Variants in VWA8 observed in about 807,000 individuals in gnomAD.
The protein encoded by VWA8 is von Willebrand factor A domain containing 8, also known as von Willebrand factor A domain-containing protein 8.
VWA8 carries 221 observed loss-of-function variants against 241.5 expected under a neutral mutation model. That is an observed-to-expected ratio of 0.91 (90% CI 0.82 to 1.02). The LOEUF (loss-of-function observed/expected upper bound fraction) is 1.02, where lower values mean the gene tolerates loss of function less well. Among genes scored for constraint, VWA8 ranks in the 50% least tolerant of loss-of-function variants. The probability of loss-of-function intolerance (pLI) is 0.00; values close to 1 mark genes in which losing one functional copy is unlikely to be tolerated. For synonymous variants in VWA8, 852 were observed against 827.1 expected, an observed-to-expected ratio of 1.03 and a Z score of -0.52; for missense variants, 2,322 against 2,328.7, an observed-to-expected ratio of 1.00 and a Z score of 0.06.
chr13:41,905,055 A>G lies in VWA8; in HGVS notation c.483+2531T>C, dbSNP rs1875643163. 4 of 152,160 alleles carry G rather than the reference A, an allele frequency of 2.6e-5. No individual in the cohort carries two copies. The South Asian group carries it at 6.2e-4, about 24-fold the overall frequency. 9.4% of individuals were successfully genotyped at this position (152,160 alleles called of 1,614,324 possible). A position where few individuals can be genotyped will look rare whatever the true frequency, so the allele number is the denominator to read the frequency against. On this transcript the variant is annotated intron_variant, in intron 4 of 44. Coordinates refer to ENST00000379310, the MANE Select transcript of VWA8 (RefSeq NM_015058.2). Reference sequence around the variant, plus strand: ...CTAGGTTTGGAATAAATACCATTAAATTGAGAGTCGAAGTCAACAAGATAG... The same window carrying G: ...CTAGGTTTGGAATAAATACCATTAAGTTGAGAGTCGAAGTCAACAAGATAG...
At chr13:41,592,321 TG>T (rs2044460787) in intron 40 of VWA8, among the ~76,000 whole-genome samples, 1 of 48,700 alleles carries the variant, frequency 2.1e-5, no homozygotes, top group South Asian at 7.3e-4. Flanking sequence ...TGTTGTGGGG[TG>T]GGGGGAGGGG....
intron 5 of VWA8, among the ~76,000 whole-genome samples, chr13:41,890,854 G>A (rs780848273): frequency 6.6e-6 from 1 of 152,230 alleles, no homozygotes; most frequent in Non-Finnish European, 1.5e-5. Flanking sequence ...GCTGTGTTGA[G>A]ACCAGTGTCA....
intron 12 of VWA8, chr13:41,864,463 G>C: frequency 3.3e-6 from 1 of 298,894 alleles, no homozygotes; most frequent in Non-Finnish European, 6.5e-6. Context: ...GAAACAAAGA[G>C]TGGTATAGAC....
chr13:41,729,802 C>CACACACAT lies in VWA8; in HGVS notation c.2503-126_2503-125insATGTGTGT, dbSNP rs1555327071. The CACACACAT allele has an allele frequency of 7.4e-5, 20 of 271,816 alleles. 2 individuals are homozygous for CACACACAT. The South Asian group carries it at 8.8e-4, about 12-fold the overall frequency. 16.8% of individuals were successfully genotyped at this position (271,816 alleles called of 1,614,324 possible). The stretch of plus-strand genomic sequence containing the variant: ...TAAGTTACAAGTATACACGTAGACA[C>CACACACAT]ACACACACACACACACACACACACA... On this transcript the variant is annotated intron_variant, in intron 22 of 44. Coordinates refer to ENST00000379310, the MANE Select transcript of VWA8 (RefSeq NM_015058.2).
At chr13:41,657,835 T>C (rs1346402489) in intron 37 of VWA8, among the ~76,000 whole-genome samples, 1 of 152,256 alleles carries the variant, frequency 6.6e-6, no homozygotes, top group Non-Finnish European at 1.5e-5. Flanking sequence ...AGCAGATTTA[T>C]TTTCTGAGGT....
chr13:41,787,622 A>ACT, intron 17 of VWA8, 79 bp from the exon 18 acceptor site: 1 of 779,602 alleles, frequency 1.3e-6, no homozygotes, highest in Non-Finnish European at 2.2e-6. Context: ...ACACACACAC[A>ACT]CACACACACA....
At chr13:41,950,036 G>T in intron 1 of VWA8, 23 bp from the exon 2 acceptor site, 1 of 1,421,222 alleles carries the variant, frequency 7.0e-7, no homozygotes, top group South Asian at 1.3e-5. Context: ...TTTAAAAACA[G>T]AATAATTATA....
Position 41,726,607 on chromosome 13 carries a change from T to C in VWA8, c.2758+587A>G, listed in dbSNP as rs541967263. On this transcript the variant is annotated intron_variant, in intron 24 of 44. Transcript: ENST00000379310. ...CCAAGAGGTCCTAAACAACAAAGTA[T>C]AGTGTAATGGTTTAAGAAAAAAGAC... 4.6e-5 allele frequency among the ~76,000 whole-genome samples: 7 copies of C among 152,256 alleles called. No homozygotes were observed. The South Asian group carries it at 1.0e-3, about 23-fold the overall frequency.
chr13:41,803,949 T>C (rs182578264), intron 17 of VWA8, among the ~76,000 whole-genome samples: 1 of 152,048 alleles, frequency 6.6e-6, no homozygotes, highest in Non-Finnish European at 1.5e-5. Flanking sequence ...AAAGAAACAA[T>C]TAGTAAGCTT....
intron 38 of VWA8, among the ~76,000 whole-genome samples, chr13:41,613,472 T>C (rs993701710): frequency 6.6e-6 from 1 of 152,152 alleles, no homozygotes; most frequent in African/African-American, 2.4e-5. Context: ...ATCCTGAGTA[T>C]GGGTGGATCA....
intron 37 of VWA8, among the ~76,000 whole-genome samples, chr13:41,646,257 C>T (rs929487919): frequency 1.3e-5 from 2 of 152,116 alleles, no homozygotes; most frequent in East Asian, 1.9e-4. Flanking sequence ...TGAGCCACCA[C>T]GCCCGGCCAA....
At chr13:41,814,928 A>G (rs1870623432) in intron 16 of VWA8, among the ~76,000 whole-genome samples, 1 of 152,220 alleles carries the variant, frequency 6.6e-6, no homozygotes, top group Admixed American at 6.5e-5. Flanking sequence ...AAAATTAGTG[A>G]GTAAAACATA....
intron 40 of VWA8, among the ~76,000 whole-genome samples, chr13:41,592,879 C>T (rs1205738673): frequency 6.6e-6 from 1 of 152,196 alleles, no homozygotes; most frequent in African/African-American, 2.4e-5. Context: ...CTAGTCTCTA[C>T]TTTAGTAAGC....
At chr13:41,595,617 T>C (rs1754053578) in intron 40 of VWA8, among the ~76,000 whole-genome samples, 1 of 152,182 alleles carries the variant, frequency 6.6e-6, no homozygotes, top group Non-Finnish European at 1.5e-5. Context: ...TCATACAATA[T>C]ATACTCTTTT....
At chr13:41,960,829 G>A in intron 1 of VWA8, 24 bp downstream of exon 1, 1 of 1,514,270 alleles carries the variant, frequency 6.6e-7, no homozygotes, top group Non-Finnish European at 8.8e-7. Flanking sequence ...GCACCAGGGA[G>A]GACAGGGGCG....
intron 4 of VWA8, among the ~76,000 whole-genome samples, chr13:41,897,842 G>C (rs189249026): frequency 6.6e-6 from 1 of 152,098 alleles, no homozygotes; most frequent in African/African-American, 2.4e-5. Flanking sequence ...AAGGGGACCC[G>C]AGCGGGTTGC....
At chr13:41,796,679 C>T (rs933905719) in intron 17 of VWA8, among the ~76,000 whole-genome samples, 6 of 151,618 alleles carry the variant, frequency 4.0e-5, no homozygotes, top group Admixed American at 3.9e-4. Flanking sequence ...TTATTCCATT[C>T]CATCTACTTT....
rs548286762 is a variant in VWA8 at position 41,721,423 on chromosome 13, T to G, written c.2911A>C (p.Ile971Leu). The change falls in exon 25 of 45, where the codon ATT becomes CTT. Residue 971 changes from isoleucine (I) to leucine (L), a missense_variant. Physicochemically the swap from Ile to Leu is conservative, Grantham distance 5. Transcript: ENST00000379310. ...TCTCTGGTAGAATAAGGATAGTTAA[T>G]AATCCCTTGGTCAGCCAAACTCCTC... ...ELRSLADQGI[I>L]NYPYSTREVV... is the part of the protein sequence containing the mutation. 1,154 of 1,613,876 alleles carry G rather than the reference T, an allele frequency of 7.2e-4. 25 individuals are homozygous for G. The South Asian group carries it at 0.012, about 17-fold the overall frequency.
intron 12 of VWA8, among the ~76,000 whole-genome samples, chr13:41,841,336 AC>A (rs1240949792): frequency 1.3e-5 from 2 of 152,168 alleles, no homozygotes; most frequent in African/African-American, 4.8e-5. Flanking sequence ...TATGATGCTA[AC>A]CACTCCCCAA....
Sources: allele counts gnomAD v4.1 joint callset (sites outside exome capture counted in the v4.1 genomes callset), GRCh38; gene constraint gnomAD v4.1.1; transcripts MANE v1.5; gene names NCBI Gene and HGNC (gene_info 2026-07-23, HGNC 2026-07-21).